ZNF821: variants seen among roughly 807,000 people sequenced by gnomAD.
ZNF821 encodes zinc finger protein 821.
Under a neutral mutation model 44.3 loss-of-function variants are expected in ZNF821, and 16 were observed. The ratio of observed to expected loss-of-function variants is 0.36; its 90% CI spans 0.24 to 0.55. ZNF821 has a LOEUF of 0.55. Among genes scored for constraint, ZNF821 ranks in the 20% least tolerant of loss-of-function variants. ZNF821 has a pLI of 0.86. For missense variants in ZNF821, 436 were observed against 547.6 expected (o/e 0.80, Z 2.03); for synonymous variants, 204 against 197.6 (o/e 1.03, Z -0.27).
At chr16:71,876,482 G>A (rs910006839) in intron 3 of ZNF821, among the ~76,000 whole-genome samples, 1 of 152,196 alleles carries the variant, frequency 6.6e-6, no homozygotes, top group Non-Finnish European at 1.5e-5. Context: ...TGGGATTACA[G>A]GCGTGCACCA....
intron 1 of ZNF821, among the ~76,000 whole-genome samples, chr16:71,890,336 T>C (rs2036878307): frequency 1.3e-5 from 2 of 152,118 alleles, no homozygotes; most frequent in Admixed American, 6.6e-5. Flanking sequence ...GCCCATCATC[T>C]TTCCCTTCTT....
intron 1 of ZNF821, among the ~76,000 whole-genome samples, chr16:71,891,995 C>CA (rs58554253): frequency 0.054 from 1,143 of 21,142 alleles, 260 homozygotes; most frequent in Non-Finnish European, 0.084. Context: ...GACTCCGTCT[C>CA]AAAAAAAAAA....
At chr16:71,871,898 C>G (rs946986326) in intron 3 of ZNF821, among the ~76,000 whole-genome samples, 1 of 151,216 alleles carries the variant, frequency 6.6e-6, no homozygotes, top group Non-Finnish European at 1.5e-5. Flanking sequence ...ATGGCGCAAT[C>G]TCGGCTCACT....
chr16:71,890,942 T>G (rs959353463), intron 1 of ZNF821, among the ~76,000 whole-genome samples: 2 of 151,770 alleles, frequency 1.3e-5, no homozygotes, highest in African/African-American at 2.4e-5. Context: ...AGCTAATTTT[T>G]TTTTGTATTT....
intron 3 of ZNF821, among the ~76,000 whole-genome samples, chr16:71,873,347 G>A (rs1267489192): frequency 6.6e-6 from 1 of 151,734 alleles, no homozygotes; most frequent in Non-Finnish European, 1.5e-5. Flanking sequence ...GTACTCAGAA[G>A]GGGTAAAATG....
intron 3 of ZNF821, among the ~76,000 whole-genome samples, chr16:71,869,515 CCTCACCTTAATT>C (rs1402383460): frequency 5.0e-4 from 76 of 152,250 alleles, no homozygotes; most frequent in African/African-American, 1.8e-3. Context: ...GTAGTTATCA[CCTCACCTTAATT>C]CTCTGCAAAA....
At position 71,865,124 on chromosome 16, in the gene ZNF821, G is replaced by A. The variant is rs2034385686; in HGVS notation, c.167-76C>T. 4.5e-6 allele frequency: 7 copies of A among 1,562,088 alleles called. No homozygotes were observed. The African/African-American group carries it at 6.8e-5, about 15-fold the overall frequency. On this transcript the variant is annotated intron_variant, in intron 4 of 7. Transcript: ENST00000425432. ...TGAGCTGCTCTCCACCCTAGAGTTG[G>A]CAGTTACAATAGAAAACATTTTCAG... is the stretch of plus-strand genomic sequence containing the variant.
At chr16:71,877,809 A>G (rs1417996806) in intron 3 of ZNF821, among the ~76,000 whole-genome samples, 2 of 150,714 alleles carry the variant, frequency 1.3e-5, no homozygotes, top group East Asian at 2.0e-4. Context: ...AGTCCCAGCT[A>G]CTCGGGAGGC....
chr16:71,891,084 T>C (rs2036882860), intron 1 of ZNF821, among the ~76,000 whole-genome samples: 3 of 152,146 alleles, frequency 2.0e-5, no homozygotes, highest in Admixed American at 2.0e-4. Flanking sequence ...CCTTCCTGCT[T>C]TTTAACCTTT....
chr16:71,862,343 C>T (rs1041327778), intron 6 of ZNF821, among the ~76,000 whole-genome samples: 6 of 152,168 alleles, frequency 3.9e-5, no homozygotes, highest in African/African-American at 1.4e-4. Context: ...GGTGTGGGGG[C>T]AGGTGCCTGT....
intron 6 of ZNF821, among the ~76,000 whole-genome samples, chr16:71,863,013 C>T (rs909464966): frequency 6.6e-6 from 1 of 152,190 alleles, no homozygotes; most frequent in Non-Finnish European, 1.5e-5. Flanking sequence ...CCTGCCTCAG[C>T]TTCCCGAGTA....
Position 71,881,098 on chromosome 16 carries a change from T to G in ZNF821, c.-77-1075A>C, listed in dbSNP as rs180952471. Among the ~76,000 whole-genome samples, 680 of 152,356 alleles carry G rather than the reference T, an allele frequency of 4.5e-3. 2 individuals are homozygous for G. The highest frequency in any genetic ancestry group is 7.9e-3 in the Non-Finnish European group (538 of 68,044). ...GACAGGAATATGGATCTGGTCACAC[T>G]CTTAAGTTTTCTTTCAGTTCCTGCC... On this transcript the variant is annotated intron_variant, in intron 2 of 7. Transcript: ENST00000425432.
chr16:71,887,770 G>T (rs769746465), upstream of ZNF821, among the ~76,000 whole-genome samples: 6 of 151,942 alleles, frequency 3.9e-5, no homozygotes, highest in Non-Finnish European at 5.9e-5. Flanking sequence ...AATGACTAAG[G>T]ATGTTGAATA....
chr16:71,868,143 C>T (rs2142383985), intron 3 of ZNF821, 106 bp from the exon 4 acceptor site: 1 of 1,325,426 alleles, frequency 7.5e-7, no homozygotes, highest in East Asian at 2.6e-5. Context: ...AGGCAGGTAC[C>T]CTGTGGTGGA....
chr16:71,883,011 G>T (rs1326404786), intron 2 of ZNF821, 200 bp downstream of exon 2: 1 of 431,530 alleles, frequency 2.3e-6, no homozygotes, highest in East Asian at 7.1e-5. Flanking sequence ...GGTCTAAAGG[G>T]ATTCCATTTT....
chr16:71,879,041 C>G (rs2036155472), intron 3 of ZNF821, among the ~76,000 whole-genome samples: 1 of 152,150 alleles, frequency 6.6e-6, no homozygotes, highest in Non-Finnish European at 1.5e-5. Flanking sequence ...ATCCATCCCA[C>G]AAATTGCTTC....
chr16:71,883,483 A>T (rs1331461827), intron 1 of ZNF821: 5 of 258,098 alleles, frequency 1.9e-5, no homozygotes, highest in Non-Finnish European at 2.3e-5. Flanking sequence ...ACCCTTAGAC[A>T]ACACAATCTC....
Position 71,860,742 on chromosome 16 carries a change from T to C in ZNF821, c.585-70A>G, listed in dbSNP as rs1819812283. ...GAGTCGGGACTCCAGCCCTGCCTTA[T>C]TCTTTTCCTATGAGGCCAGTGGCTC... On this transcript the variant is annotated intron_variant, in intron 7 of 7. Coordinates refer to ENST00000425432, the MANE Select transcript of ZNF821 (RefSeq NM_001201552.2). This position sits in a 1 kb window ranked among gnomAD's most constrained non-coding sequence, Gnocchi z 7.3. 4 of 1,512,274 alleles carry C rather than the reference T, an allele frequency of 2.6e-6. No homozygotes were observed. Among genetic ancestry groups the C allele is most frequent in the Non-Finnish European group, 8.9e-7 (1 of 1,128,918 alleles). 93.7% of individuals were successfully genotyped at this position (1,512,274 alleles called of 1,614,324 possible).
intron 1 of ZNF821, chr16:71,894,698 C>CTTTTTTTTTTT: frequency 2.3e-6 from 1 of 443,580 alleles, no homozygotes; most frequent in Non-Finnish European, 3.9e-6. Flanking sequence ...TAATTTTTAA[C>CTTTTTTTTTTT]TTTTTTTTTT....
Sources: allele counts gnomAD v4.1 joint callset (sites outside exome capture counted in the v4.1 genomes callset), GRCh38; gene constraint gnomAD v4.1.1; non-coding constraint Gnocchi (gnomAD v3.1); transcripts MANE v1.5; gene names NCBI Gene and HGNC (gene_info 2026-07-23, HGNC 2026-07-21).